Variants in TEAD1 observed in about 807,000 individuals in gnomAD.
TEAD1 encodes the protein transcriptional enhancer factor TEF-1.
A neutral mutation model predicts 54.9 loss-of-function variants in TEAD1; 9 were observed. The ratio of observed to expected loss-of-function variants is 0.16; its 90% CI spans 0.10 to 0.29. The LOEUF (loss-of-function observed/expected upper bound fraction) is 0.29, where lower values mean the gene tolerates loss of function less well. TEAD1 is among the 10% of genes least tolerant of loss of function. The probability of loss-of-function intolerance (pLI) is 1.00; values close to 1 mark genes in which losing one functional copy is unlikely to be tolerated. For synonymous variants in TEAD1, 200 were observed against 187.8 expected, an observed-to-expected ratio of 1.07 and a Z score of -0.53; for missense variants, 387 against 535.9, an observed-to-expected ratio of 0.72 and a Z score of 2.74.
At chr11:12,681,751 C>T (rs1181156961) in intron 2 of TEAD1, among the ~76,000 whole-genome samples, 2 of 152,258 alleles carry the variant, frequency 1.3e-5, no homozygotes, top group African/African-American at 4.8e-5. Flanking sequence ...GCGAGGCTGT[C>T]TGCCCCGCTC....
In TEAD1 at chr11:12,922,442, C is replaced by T. The variant is rs1164667049; in HGVS notation, c.874-2470C>T. On this transcript the variant is annotated intron_variant, in intron 10 of 12. Coordinates refer to ENST00000527636, the MANE Select transcript of TEAD1 (RefSeq NM_021961.6). ...CGATCTCCTGACCTTGTGATCCGCC[C>T]GCCTCGGCCTCCCAAAGTGCGGTTC... is the stretch of plus-strand genomic sequence containing the variant. The T allele has an allele frequency of 1.2e-4, 6 of 49,682 alleles. 1 individual carries two copies. In the South Asian group the frequency reaches 2.4e-3, roughly 20 times the overall value. 3.1% of individuals were successfully genotyped at this position (49,682 alleles called of 1,614,324 possible). A position where few individuals can be genotyped will look rare whatever the true frequency, so the allele number is the denominator to read the frequency against.
chr11:12,781,988 AAG>A (rs1491285894), intron 3 of TEAD1, among the ~76,000 whole-genome samples: 16 of 134,048 alleles, frequency 1.2e-4, no homozygotes, highest in African/African-American at 6.5e-4. Flanking sequence ...AAAAAAGAAA[AAG>A]AAAAAAAAAA....
At chr11:12,871,705 A>G (rs1947748569) in intron 5 of TEAD1, among the ~76,000 whole-genome samples, 1 of 152,126 alleles carries the variant, frequency 6.6e-6, no homozygotes, top group Admixed American at 6.5e-5. Flanking sequence ...GGCCATCTCC[A>G]TCTTCCCATG....
intron 3 of TEAD1, among the ~76,000 whole-genome samples, chr11:12,847,023 G>T (rs1415018917): frequency 6.6e-6 from 1 of 152,242 alleles, no homozygotes; most frequent in Admixed American, 6.5e-5. Flanking sequence ...CTCCTTGAAG[G>T]CAGGAGCCCT....
rs1244118723 is a variant in TEAD1, at chr11:12,943,235, CTTATAG to C, written c.*6017_*6022del. On this transcript the variant is annotated 3_prime_UTR_variant, in exon 13 of 13. Transcript: ENST00000527636. ...TGAAAAGAAAATGTACTCAACCTAA[CTTATAG>C]TTAGCAGCTGGAATTCTCAACTCTT... is the stretch of plus-strand genomic sequence containing the variant. The C allele has an allele frequency of 1.3e-5, 2 of 152,480 alleles. No homozygotes were observed. The highest frequency in any genetic ancestry group is 2.1e-4 in the South Asian group (1 of 4,826). 9.4% of individuals were successfully genotyped at this position (152,480 alleles called of 1,614,324 possible).
chr11:12,707,922 T>G (rs1049541706), intron 2 of TEAD1, among the ~76,000 whole-genome samples: 5 of 152,220 alleles, frequency 3.3e-5, no homozygotes, highest in African/African-American at 1.2e-4. Context: ...AGTATATGAA[T>G]GAATAACAAT....
chr11:12,716,655 G>C (rs969339003), intron 2 of TEAD1, among the ~76,000 whole-genome samples: 2 of 152,190 alleles, frequency 1.3e-5, no homozygotes, highest in East Asian at 3.8e-4. Flanking sequence ...AGCAGCCATA[G>C]ACAACATGAA....
At chr11:12,880,149 G>A (rs1381506456) in intron 6 of TEAD1, among the ~76,000 whole-genome samples, 1 of 152,174 alleles carries the variant, frequency 6.6e-6, no homozygotes, top group Non-Finnish European at 1.5e-5. Flanking sequence ...AATTAAATGT[G>A]CCTTTCTGGG....
intron 3 of TEAD1, among the ~76,000 whole-genome samples, chr11:12,834,488 A>T (rs921715032): frequency 7.9e-5 from 12 of 152,232 alleles, no homozygotes; most frequent in African/African-American, 2.7e-4. Flanking sequence ...TAAAATGAAA[A>T]TAATGACAGC....
chr11:12,737,394 A>G (rs1564923129), intron 2 of TEAD1, among the ~76,000 whole-genome samples: 2 of 152,064 alleles, frequency 1.3e-5, no homozygotes, highest in South Asian at 4.1e-4. Context: ...TTCTTGGTGA[A>G]TGAGTAAGAC....
intron 2 of TEAD1, among the ~76,000 whole-genome samples, chr11:12,742,627 A>G (rs1944669679): frequency 6.6e-6 from 1 of 152,230 alleles, no homozygotes; most frequent in African/African-American, 2.4e-5. Context: ...TGGATATGTT[A>G]ATTCATCAGA....
intron 2 of TEAD1, among the ~76,000 whole-genome samples, chr11:12,719,035 C>T (rs185207323): frequency 1.5e-3 from 230 of 151,332 alleles, no homozygotes; most frequent in Middle Eastern, 3.4e-3. Context: ...TTCTGAACAA[C>T]GCGTTTTCAA....
chr11:12,827,062 A>ATTC (rs1216715570), intron 3 of TEAD1, among the ~76,000 whole-genome samples: 1 of 152,176 alleles, frequency 6.6e-6, no homozygotes, highest in African/African-American at 2.4e-5. Context: ...CCACTTATCA[A>ATTC]TTCTGTTGTT....
At chr11:12,807,315 A>T (rs1396992746) in intron 3 of TEAD1, among the ~76,000 whole-genome samples, 1 of 152,210 alleles carries the variant, frequency 6.6e-6, no homozygotes, top group African/African-American at 2.4e-5. Flanking sequence ...GTCTTTCAGG[A>T]AACGAATTCT....
At chr11:12,867,819 T>C (rs1490385679) in intron 5 of TEAD1, among the ~76,000 whole-genome samples, 3 of 152,116 alleles carry the variant, frequency 2.0e-5, no homozygotes, top group Non-Finnish European at 2.9e-5. Context: ...CAAGGATAGC[T>C]TCTGGGTGGG....
intron 10 of TEAD1, among the ~76,000 whole-genome samples, chr11:12,906,401 T>C (rs1394904766): frequency 1.3e-5 from 2 of 151,556 alleles, no homozygotes; most frequent in Non-Finnish European, 2.9e-5. Flanking sequence ...ATTAGCCGGG[T>C]GTGGTGGCGG....
At chr11:12,933,474 C>T (rs1415696373) in intron 12 of TEAD1, among the ~76,000 whole-genome samples, 1 of 152,100 alleles carries the variant, frequency 6.6e-6, no homozygotes, top group Non-Finnish European at 1.5e-5. Flanking sequence ...TTTAAATCAT[C>T]TCTAGATTAC....
At chr11:12,793,735 A>G (rs1321395484) in intron 3 of TEAD1, among the ~76,000 whole-genome samples, 1 of 152,218 alleles carries the variant, frequency 6.6e-6, no homozygotes, top group Non-Finnish European at 1.5e-5. Context: ...ACATGAATCA[A>G]AAGAGAACTA....
chr11:12,857,089 C>T (rs1947399479), intron 3 of TEAD1, among the ~76,000 whole-genome samples: 1 of 152,196 alleles, frequency 6.6e-6, no homozygotes, highest in Non-Finnish European at 1.5e-5. Context: ...CCATGCCTTT[C>T]TTCTGGGATC....
Sources: gnomAD v4.1 joint callset for allele counts (sites outside exome capture counted in the v4.1 genomes callset) on GRCh38, gnomAD v4.1.1 for gene constraint, MANE v1.5 for transcripts, NCBI Gene and HGNC (gene_info 2026-07-23, HGNC 2026-07-21) for gene names.